The following PLCE1 variants were observed in gnomAD, a reference collection of about 807,000 sequenced individuals.
The protein encoded by PLCE1 is 1-phosphatidylinositol 4,5-bisphosphate phosphodiesterase epsilon-1.
PLCE1 carries 119 observed loss-of-function variants against 242.8 expected under a neutral mutation model. That is an observed-to-expected ratio of 0.49 (90% CI 0.42 to 0.57). PLCE1 has a LOEUF of 0.57. Among genes scored for constraint, PLCE1 ranks in the 20% least tolerant of loss-of-function variants. The probability of loss-of-function intolerance (pLI) is 0.00; values close to 1 mark genes in which losing one functional copy is unlikely to be tolerated. For synonymous variants in PLCE1, 945 were observed against 1,017.4 expected, an observed-to-expected ratio of 0.93 and a Z score of 1.35; for missense variants, 2,441 against 2,788.8, an observed-to-expected ratio of 0.88 and a Z score of 2.81.
chr10:94,206,780 C>T (rs113529639), intron 4 of PLCE1, among the ~76,000 whole-genome samples: 4 of 152,264 alleles, frequency 2.6e-5, no homozygotes, highest in African/African-American at 7.2e-5. Flanking sequence ...ACTTTTTCCC[C>T]AGCCTCTCTT....
rs368419707 is a variant in PLCE1 at position 94,275,406 on chromosome 10, G to A, written c.4665+1686G>A. Among the ~76,000 whole-genome samples the A allele has an allele frequency of 1.1e-4, 17 of 152,176 alleles. 3 individuals are homozygous for A. The highest frequency in any genetic ancestry group is 2.6e-4 in the Admixed American group (4 of 15,274). Reference sequence around the variant, plus strand: ...TAAATTTGTGGATATTCTTGAATTCGTCAATCTGAAAATGTGATTTCCAGA... The same window carrying A: ...TAAATTTGTGGATATTCTTGAATTCATCAATCTGAAAATGTGATTTCCAGA... On this transcript the variant is annotated intron_variant, in intron 19 of 32. Coordinates refer to ENST00000371380, the MANE Select transcript of PLCE1 (RefSeq NM_016341.4).
chr10:94,326,570 A>G (rs1344641113), intron 32 of PLCE1, among the ~76,000 whole-genome samples: 2 of 152,258 alleles, frequency 1.3e-5, no homozygotes, highest in Admixed American at 6.5e-5. Flanking sequence ...CTCTACATAT[A>G]AAGAGCCCGA....
At chr10:94,140,766 G>A (rs936597198) in intron 3 of PLCE1, among the ~76,000 whole-genome samples, 2 of 152,206 alleles carry the variant, frequency 1.3e-5, no homozygotes, top group African/African-American at 4.8e-5. Context: ...ACTAGGCAAG[G>A]AAGGCATGTG....
At chr10:94,099,446 A>C (rs1345477937) in intron 2 of PLCE1, among the ~76,000 whole-genome samples, 3 of 152,204 alleles carry the variant, frequency 2.0e-5, no homozygotes, top group Admixed American at 6.5e-5. Flanking sequence ...GCATACATTT[A>C]CCTACTTAGT....
At chr10:94,071,497 T>G (rs1262578056) in intron 2 of PLCE1, among the ~76,000 whole-genome samples, 11 of 125,496 alleles carry the variant, frequency 8.8e-5, no homozygotes, top group African/African-American at 3.9e-4. Context: ...TGGTTTTCGT[T>G]TTTTTTTTTT....
intron 3 of PLCE1, among the ~76,000 whole-genome samples, chr10:94,149,662 G>A (rs1463512302): frequency 2.0e-5 from 3 of 152,108 alleles, no homozygotes; most frequent in Non-Finnish European, 4.4e-5. Context: ...TCTGCCTTCT[G>A]TCTTTGAGTC....
chr10:94,178,355 A>G (rs2048188741), intron 4 of PLCE1, among the ~76,000 whole-genome samples: 1 of 152,008 alleles, frequency 6.6e-6, no homozygotes, highest in Non-Finnish European at 1.5e-5. Context: ...CCCCAGTTCT[A>G]TTGAGACCCC....
chr10:94,083,837 G>A (rs2044724031), intron 2 of PLCE1, among the ~76,000 whole-genome samples: 1 of 152,202 alleles, frequency 6.6e-6, no homozygotes. Flanking sequence ...ACAGGGGCCT[G>A]TTGCCAGTAA....
intron 1 of PLCE1, among the ~76,000 whole-genome samples, chr10:94,021,269 T>G (rs1385763271): frequency 1.3e-5 from 2 of 151,272 alleles, no homozygotes; most frequent in African/African-American, 2.4e-5. Context: ...AAGTTTTAAA[T>G]TTTGATTAAG....
chr10:94,303,809 T>TAA (rs1161633488), intron 24 of PLCE1, among the ~76,000 whole-genome samples: 1 of 151,878 alleles, frequency 6.6e-6, no homozygotes, highest in Non-Finnish European at 1.5e-5. Context: ...AAATATTCAT[T>TAA]AAAAAAAATG....
chr10:94,047,889 T>C (rs1391869570), intron 2 of PLCE1, among the ~76,000 whole-genome samples: 1 of 152,190 alleles, frequency 6.6e-6, no homozygotes, highest in Non-Finnish European at 1.5e-5. Context: ...TGCATCTACA[T>C]GTATTCTTAA....
intron 2 of PLCE1, 74 bp from the exon 3 acceptor site, chr10:94,132,100 G>T: frequency 7.0e-7 from 1 of 1,436,782 alleles, no homozygotes; most frequent in Admixed American, 1.7e-5. Flanking sequence ...AGTCATCTTG[G>T]CATTTTGTCA....
intron 4 of PLCE1, among the ~76,000 whole-genome samples, chr10:94,222,133 G>A (rs1004154516): frequency 6.6e-6 from 1 of 152,128 alleles, no homozygotes; most frequent in Admixed American, 6.5e-5. Context: ...GGTCTGCTGG[G>A]GGAGACAGAA....
chr10:94,088,822 T>C (rs752959305), intron 2 of PLCE1, among the ~76,000 whole-genome samples: 15 of 152,198 alleles, frequency 9.9e-5, no homozygotes, highest in Non-Finnish European at 1.9e-4. Context: ...GAATTTCTAT[T>C]TGGAAAACAA....
chr10:94,150,111 A>G (rs1043937806), intron 3 of PLCE1, among the ~76,000 whole-genome samples: 1 of 152,044 alleles, frequency 6.6e-6, no homozygotes, highest in Admixed American at 6.6e-5. Flanking sequence ...ATGTTAACAC[A>G]CTCCCGATGT....
At chr10:94,205,627 G>A (rs1176550991) in intron 4 of PLCE1, among the ~76,000 whole-genome samples, 1 of 152,228 alleles carries the variant, frequency 6.6e-6, no homozygotes, top group Non-Finnish European at 1.5e-5. Context: ...AATGGACTGT[G>A]CCTTCTTTAA....
intron 19 of PLCE1, among the ~76,000 whole-genome samples, chr10:94,274,613 G>A (rs2051876900): frequency 6.6e-6 from 1 of 152,158 alleles, no homozygotes; most frequent in Non-Finnish European, 1.5e-5. Flanking sequence ...ATACAGGACA[G>A]CTGGAAGTGG....
At chr10:94,040,785 A>G (rs1217788762) in intron 2 of PLCE1, among the ~76,000 whole-genome samples, 1 of 152,182 alleles carries the variant, frequency 6.6e-6, no homozygotes, top group African/African-American at 2.4e-5. Context: ...ATATTTGTAA[A>G]ATAAAAGCTA....
intron 24 of PLCE1, among the ~76,000 whole-genome samples, chr10:94,302,558 G>C (rs139432304): frequency 2.0e-5 from 3 of 152,150 alleles, no homozygotes; most frequent in Non-Finnish European, 4.4e-5. Context: ...TGAGCACCTT[G>C]CATGTGCCAA....
Sources: gnomAD v4.1 joint callset for allele counts (sites outside exome capture counted in the v4.1 genomes callset) on GRCh38, gnomAD v4.1.1 for gene constraint, MANE v1.5 for transcripts, NCBI Gene and HGNC (gene_info 2026-07-23, HGNC 2026-07-21) for gene names.